The following ADAMTS10 variants were observed in gnomAD, a reference collection of about 807,000 sequenced individuals.
The protein encoded by ADAMTS10 is A disintegrin and metalloproteinase with thrombospondin motifs 10.
A neutral mutation model predicts 135.9 loss-of-function variants in ADAMTS10; 48 were observed. That is an observed-to-expected ratio of 0.35 (90% confidence interval 0.28 to 0.45). ADAMTS10 has a LOEUF of 0.45. Among genes scored for constraint, ADAMTS10 ranks in the 20% least tolerant of loss-of-function variants. ADAMTS10 has a pLI of 1.00. For synonymous variants in ADAMTS10, 621 were observed against 647.5 expected (o/e 0.96, Z 0.62); for missense variants, 1,131 against 1,565.2 (o/e 0.72, Z 4.68).
At chr19:8,584,154 C>CAAAAAAAAAAAAAAAAAAAAAAAGAA (rs1568390786) in intron 25 of ADAMTS10, among the ~76,000 whole-genome samples, 3 of 44,890 alleles carry the variant, frequency 6.7e-5, no homozygotes, top group Admixed American at 2.8e-4. Context: ...GACTCCATCT[C>CAAAAAAAAAAAAAAAAAAAAAAAGAA]AAAAAAAAAA....
At chr19:8,588,965 T>G (rs2042478284) in intron 18 of ADAMTS10, among the ~76,000 whole-genome samples, 1 of 152,048 alleles carries the variant, frequency 6.6e-6, no homozygotes, top group Non-Finnish European at 1.5e-5. Context: ...CTAATTTTTG[T>G]ATTTTTAGTA....
In ADAMTS10 at chr19:8,595,807, T is replaced by C; in HGVS notation, c.1434A>G (p.Gln478=). The change falls in exon 12 of 26, where the codon CAA becomes CAG. Residue 478 remains glutamine (Q), a synonymous_variant. Coordinates refer to ENST00000597188, the MANE Select transcript of ADAMTS10 (RefSeq NM_030957.4). ...APGQAYDADE[Q]CRFQHGVKSR... is the part of the protein sequence containing the mutation. ...ATTTGACTCCATGCTGAAAGCGGCA[T>C]TGCTCATCTGCATCGTAGGCTTGGC... 6.2e-7 allele frequency: 1 copy of C among 1,610,154 alleles called. No homozygotes were observed. Among genetic ancestry groups the C allele is most frequent in the South Asian group, 1.1e-5 (1 of 91,030 alleles).
rs568291947 is a variant in ADAMTS10, at chr19:8,586,001, C to T, written c.2660+121G>A. On this transcript the variant is annotated intron_variant, in intron 22 of 25. Transcript: ENST00000597188. ...CCTATAGAACCATCACTGCAGCACTCGGCCCACTGTCACTCCGACTCTGCA... is the reference window on the plus strand; with the variant it reads ...CCTATAGAACCATCACTGCAGCACTTGGCCCACTGTCACTCCGACTCTGCA... 1.1e-5 allele frequency: 17 copies of T among 1,511,102 alleles called. No homozygotes were observed. The Admixed American group carries it at 2.4e-4, about 21-fold the overall frequency. The allele number at this position is 1,511,102 out of a possible 1,614,324, so 93.6% of individuals were successfully genotyped here.
intron 6 of ADAMTS10, among the ~76,000 whole-genome samples, chr19:8,598,565 ATTTTTTTTTTTTTTTT>A (rs34389376): frequency 1.4e-5 from 1 of 70,760 alleles, no homozygotes; most frequent in Admixed American, 1.8e-4. Flanking sequence ...AATCCCCAGA[ATTTTTTTTTTTTTTTT>A]TTTTTTTTTT....
Position 8,592,752 on chromosome 19 carries a change from C to T in ADAMTS10, c.1587+11G>A, listed in dbSNP as rs1472809334. On this transcript the variant is annotated intron_variant, in intron 13 of 25. Coordinates refer to ENST00000597188, the MANE Select transcript of ADAMTS10 (RefSeq NM_030957.4). ...GGCGTGGCCCAGTTGGGGGCCCTGGCCGGCGCTCACCCCCTTGTCGATGGT... is the reference window on the plus strand; with the variant it reads ...GGCGTGGCCCAGTTGGGGGCCCTGGTCGGCGCTCACCCCCTTGTCGATGGT... The T allele has an allele frequency of 1.2e-6, 2 of 1,606,920 alleles. No homozygotes were observed. The highest frequency in any genetic ancestry group is 1.3e-5 in the African/African-American group (1 of 75,036).
rs782138140 is a variant in ADAMTS10, at chr19:8,605,074, C to T, written c.373G>A (p.Ala125Thr). 2.6e-5 allele frequency: 42 copies of T among 1,612,010 alleles called. No homozygotes were observed. In the Middle Eastern group the frequency reaches 6.6e-4, roughly 25 times the overall value. The change falls in exon 4 of 26, where the codon GCT (alanine) becomes ACT (threonine). Residue 125 changes from alanine (A) to threonine (T), a missense_variant. This residue lies in a region of ADAMTS10 where 306 missense variants were observed against 344.4 expected (regional missense o/e 0.89). Transcript: ENST00000597188. The surrounding 1 kb of genome is among the most constrained non-coding windows in gnomAD (Gnocchi z 7.7). Reference sequence around the variant, plus strand: ...CTGGCCTGGCCCTGCAGGTGACCAGCGTAGAGGCAGTGGGGCCGGGCCGCC... The same window carrying T: ...CTGGCCTGGCCCTGCAGGTGACCAGTGTAGAGGCAGTGGGGCCGGGCCGCC... ...QRAARPHCLY[A>T]GHLQGQASSS... is the part of the protein sequence containing the mutation.
intron 25 of ADAMTS10, 85 bp downstream of exon 25, chr19:8,584,810 A>C (rs996356808): frequency 6.6e-7 from 1 of 1,515,256 alleles, no homozygotes. Flanking sequence ...CAGAAGTTCT[A>C]GGATGAAGTC....
intron 4 of ADAMTS10, 57 bp from the exon 5 acceptor site, chr19:8,603,941 C>A: frequency 1.3e-6 from 2 of 1,509,596 alleles, no homozygotes; most frequent in Non-Finnish European, 1.8e-6. Context: ...GAGCTTAGGA[C>A]CCCTGGGACC....
rs1555739065 is a variant in ADAMTS10 at position 8,591,970 on chromosome 19, C to A, written c.1721G>T (p.Cys574Phe). ...CCTGAGGGCTGACCTGGGGCTGTCG[C>A]AGTGACGGCTAGAAGAGGACACGCC... ...GGGVSSSSRH[C>F]DSPRPTIGGK... Residue 574 changes from cysteine (C) to phenylalanine (F), a missense_variant, in exon 14 of 26, where the codon TGC (cysteine) becomes TTC (phenylalanine). Physicochemically the swap from Cys to Phe is radical, Grantham distance 205 (BLOSUM62 -2). Transcript: ENST00000597188. 6.2e-7 allele frequency: 1 copy of A among 1,613,392 alleles called. No homozygotes were observed. The highest frequency in any genetic ancestry group is 1.3e-5 in the African/African-American group (1 of 74,932).
chr19:8,605,353 A>G lies in ADAMTS10; in HGVS notation c.94T>C (p.Phe32Leu), dbSNP rs369942069. The G allele has an allele frequency of 2.5e-6, 4 of 1,598,510 alleles. No individual in the cohort carries two copies. The highest frequency in any genetic ancestry group is 3.5e-5 in the Admixed American group (2 of 57,382). ...TCATAGCTCTCCAGACTGGACAGGAACTCATCTGTGGGTGAGGGTCAGAGG... is the reference window on the plus strand; with the variant it reads ...TCATAGCTCTCCAGACTGGACAGGAGCTCATCTGTGGGTGAGGGTCAGAGG... ...VTHAFRSQDE[F>L]LSSLESYEIA... The change falls in exon 4 of 26, where the codon TTC becomes CTC. Residue 32 changes from phenylalanine (F) to leucine (L), a missense_variant. Physicochemically the swap from Phe to Leu is conservative, Grantham distance 22 (BLOSUM62 0). This residue lies in a region of ADAMTS10 where 306 missense variants were observed against 344.4 expected (regional missense o/e 0.89). Coordinates refer to ENST00000597188, the MANE Select transcript of ADAMTS10 (RefSeq NM_030957.4). This position sits in a 1 kb window ranked among gnomAD's most constrained non-coding sequence, Gnocchi z 7.7.
chr19:8,608,840 T>A (rs73922181), intron 1 of ADAMTS10, among the ~76,000 whole-genome samples: 14 of 151,030 alleles, frequency 9.3e-5, no homozygotes, highest in African/African-American at 2.9e-4. Context: ...TGGGACATTG[T>A]GGAAGGACCC....
chr19:8,605,487 G>C lies in ADAMTS10; in HGVS notation c.89-129C>G. 1 of 1,471,316 alleles carries C rather than the reference G, an allele frequency of 6.8e-7. No homozygotes were observed. Among genetic ancestry groups the C allele is most frequent in the Non-Finnish European group, 9.2e-7 (1 of 1,084,146 alleles). 91.1% of individuals were successfully genotyped at this position (1,471,316 alleles called of 1,614,324 possible). On this transcript the variant is annotated intron_variant, in intron 3 of 25. Coordinates refer to ENST00000597188, the MANE Select transcript of ADAMTS10 (RefSeq NM_030957.4). This position sits in a 1 kb window ranked among gnomAD's most constrained non-coding sequence, Gnocchi z 7.7. ...CCGAAATCCAGGGAGTTGGCTGCAA[G>C]GCTCCCGCCTATTGACCCCAGGGCC...
chr19:8,602,614 C>T (rs1185421027), intron 5 of ADAMTS10, among the ~76,000 whole-genome samples: 1 of 152,118 alleles, frequency 6.6e-6, no homozygotes, highest in Non-Finnish European at 1.5e-5. Context: ...AGACACTGTG[C>T]CTGACCCTGA....
At chr19:8,604,991 G>C (rs189286011) in intron 4 of ADAMTS10, 21 bp downstream of exon 4, 1 of 1,580,130 alleles carries the variant, frequency 6.3e-7, no homozygotes, top group Admixed American at 1.8e-5. Flanking sequence ...TTCCCCCCGC[G>C]TTCCAGAATC....
At chr19:8,590,071 G>A in intron 15 of ADAMTS10, 80 bp from the exon 16 acceptor site, 1 of 1,010,752 alleles carries the variant, frequency 9.9e-7, no homozygotes, top group Non-Finnish European at 1.5e-6. Flanking sequence ...GAGAAAGATG[G>A]GCTGGAGGAG....
At chr19:8,603,187 C>G (rs2042684516) in intron 5 of ADAMTS10, among the ~76,000 whole-genome samples, 1 of 152,190 alleles carries the variant, frequency 6.6e-6, no homozygotes, top group Non-Finnish European at 1.5e-5. Context: ...CAGTGCTGGG[C>G]TAGGTGACTA....
chr19:8,580,640 CA>C lies in ADAMTS10; in HGVS notation c.*252del. On this transcript the variant is annotated 3_prime_UTR_variant, in exon 26 of 26. Transcript: ENST00000597188. The stretch of plus-strand genomic sequence containing the variant: ...CTGGGGTGAACAGCTGTCCCCTCCC[CA>C]GACCCACCCTGGAGGGGGGGTCTCA... The C allele has an allele frequency of 2.0e-6, 1 of 489,116 alleles. No homozygotes were observed. Among genetic ancestry groups the C allele is most frequent in the Non-Finnish European group, 3.8e-6 (1 of 266,640 alleles). The allele number at this position is 489,116 out of a possible 1,614,324, so 30.3% of individuals were successfully genotyped here.
Position 8,605,919 on chromosome 19 carries a change from G to T in ADAMTS10, c.-99-110C>A. On this transcript the variant is annotated intron_variant, in intron 2 of 25. Coordinates refer to ENST00000597188, the MANE Select transcript of ADAMTS10 (RefSeq NM_030957.4). This position sits in a 1 kb window ranked among gnomAD's most constrained non-coding sequence, Gnocchi z 7.7. Reference sequence around the variant, plus strand: ...TCACCTGACTCTGAAGATTCTGAATGCATTTTCTCACTCAGTCACTCCCCT... The same window carrying T: ...TCACCTGACTCTGAAGATTCTGAATTCATTTTCTCACTCAGTCACTCCCCT... The T allele has an allele frequency of 9.2e-7, 1 of 1,086,260 alleles. No individual in the cohort carries two copies. Among genetic ancestry groups the T allele is most frequent in the Non-Finnish European group, 1.3e-6 (1 of 782,558 alleles). The allele number at this position is 1,086,260 out of a possible 1,614,324, so 67.3% of individuals were successfully genotyped here.
intron 12 of ADAMTS10, chr19:8,593,433 T>A (rs1341104168): frequency 6.3e-6 from 1 of 159,608 alleles, no homozygotes; most frequent in East Asian, 1.8e-4. Context: ...TTGGTTCTCT[T>A]TGTTCCCCCA....
Sources: gnomAD v4.1 joint callset for allele counts (sites outside exome capture counted in the v4.1 genomes callset) on GRCh38, gnomAD v4.1.1 for gene constraint, gnomAD v4.1.1 regional missense constraint, Gnocchi (gnomAD v3.1) non-coding constraint, MANE v1.5 for transcripts, NCBI Gene and HGNC (gene_info 2026-07-23, HGNC 2026-07-21) for gene names.